FLYWCH1: variants seen among roughly 807,000 people sequenced by gnomAD.
FLYWCH1 encodes FLYWCH-type zinc finger 1, also known as FLYWCH-type zinc finger-containing protein 1.
In FLYWCH1, 75 loss-of-function variants were observed where a neutral mutation model predicts 66.4. The ratio of observed to expected loss-of-function variants is 1.13; its 90% confidence interval spans 0.94 to 1.37. The LOEUF is 1.37. Among genes scored for constraint, FLYWCH1 ranks in the 40% most tolerant of loss-of-function variants. FLYWCH1 has a pLI of 0.00. For synonymous variants in FLYWCH1, 595 were observed against 429.9 expected (o/e 1.38, Z -4.75); for missense variants, 1,334 against 1,001.8 (o/e 1.33, Z -4.48).
intron 9 of FLYWCH1, among the ~76,000 whole-genome samples, chr16:2,942,498 G>A (rs1337886532): frequency 6.6e-6 from 1 of 151,978 alleles, no homozygotes; most frequent in Non-Finnish European, 1.5e-5. Context: ...ACCAAGCAAA[G>A]GAATCACAAA....
chr16:2,930,373 C>A, intron 3 of FLYWCH1, 37 bp from the exon 4 acceptor site: 3 of 1,317,820 alleles, frequency 2.3e-6, no homozygotes, highest in Non-Finnish European at 3.1e-6. Context: ...CTGAGCTTTG[C>A]TCTAGCTTAG....
In FLYWCH1 at chr16:2,949,017, G is replaced by A. The variant is rs561333413; in HGVS notation, c.*290G>A. 70 of 455,138 alleles carry A rather than the reference G, an allele frequency of 1.5e-4. 1 individual carries two copies. Among genetic ancestry groups the A allele is most frequent in the South Asian group, 2.8e-4 (13 of 45,924 alleles). 28.2% of individuals were successfully genotyped at this position (455,138 alleles called of 1,614,324 possible). A position where few individuals can be genotyped will look rare whatever the true frequency, so the allele number is the denominator to read the frequency against. On this transcript the variant is annotated 3_prime_UTR_variant, in exon 10 of 10. Transcript: ENST00000253928. ...AGACATGACAAAGCTGCCTGGACACGGACGCCCCTGCTGTACGGCCACAGC... is the reference window on the plus strand; with the variant it reads ...AGACATGACAAAGCTGCCTGGACACAGACGCCCCTGCTGTACGGCCACAGC...
chr16:2,927,994 C>A (rs1397125272), intron 2 of FLYWCH1, among the ~76,000 whole-genome samples: 1 of 152,150 alleles, frequency 6.6e-6, no homozygotes, highest in East Asian at 1.9e-4. Context: ...AGCAGGGAAA[C>A]ATGTGAGCAA....
Position 2,950,601 on chromosome 16 carries a change from C to A in FLYWCH1, c.*1874C>A, listed in dbSNP as rs897664074. The A allele has an allele frequency of 1.3e-5, 2 of 152,400 alleles. No individual in the cohort carries two copies. The highest frequency in any genetic ancestry group is 2.9e-5 in the Non-Finnish European group (2 of 68,166). 9.4% of individuals were successfully genotyped at this position (152,400 alleles called of 1,614,324 possible). On this transcript the variant is annotated 3_prime_UTR_variant, in exon 10 of 10. Coordinates refer to ENST00000253928, the MANE Select transcript of FLYWCH1 (RefSeq NM_001308068.2). ...CCTTGCCTCTGTGATGGGGCCTCCACGGCCAGCATCTTCCCGCCATGGTCA... is the reference window on the plus strand; with the variant it reads ...CCTTGCCTCTGTGATGGGGCCTCCAAGGCCAGCATCTTCCCGCCATGGTCA...
rs933253587 is a variant in FLYWCH1 at position 2,938,474 on chromosome 16, G to A, written c.2050+18G>A. ...GGACCCAGGTACAGGCAGGCTGTGG[G>A]GCAGAGGCAGGGCTGTGGGCATCCT... On this transcript the variant is annotated intron_variant, in intron 8 of 9. Coordinates refer to ENST00000253928, the MANE Select transcript of FLYWCH1 (RefSeq NM_001308068.2). 1.3e-6 allele frequency: 2 copies of A among 1,510,334 alleles called. No homozygotes were observed. Among genetic ancestry groups the A allele is most frequent in the Non-Finnish European group, 8.8e-7 (1 of 1,132,186 alleles). 93.6% of individuals were successfully genotyped at this position (1,510,334 alleles called of 1,614,324 possible). A position where few individuals can be genotyped will look rare whatever the true frequency, so the allele number is the denominator to read the frequency against.
At chr16:2,948,626 T>C in intron 9 of FLYWCH1, 62 bp from the exon 10 acceptor site, 2 of 1,542,170 alleles carry the variant, frequency 1.3e-6, no homozygotes, top group Non-Finnish European at 9.0e-7. Context: ...CTGAACTTTC[T>C]GTGTTATCTA....
At chr16:2,934,644 C>T (rs564249454) in intron 6 of FLYWCH1, 163 of 456,904 alleles carry the variant, frequency 3.6e-4, no homozygotes, top group Non-Finnish European at 6.0e-4. Flanking sequence ...GTGGCTCTTC[C>T]GGATCCTGCA....
At chr16:2,940,492 G>A (rs1396465815) in intron 9 of FLYWCH1, among the ~76,000 whole-genome samples, 1 of 152,202 alleles carries the variant, frequency 6.6e-6, no homozygotes, top group Admixed American at 6.5e-5. Flanking sequence ...CTGGAGTACA[G>A]CGGCATGATC....
chr16:2,931,477 G>A (rs1222848974), intron 4 of FLYWCH1, among the ~76,000 whole-genome samples: 1 of 150,654 alleles, frequency 6.6e-6, no homozygotes, highest in Non-Finnish European at 1.5e-5. Flanking sequence ...TCAGCCAGCT[G>A]TTGTGGTGTG....
chr16:2,916,593 C>T (rs947227878), intron 2 of FLYWCH1, among the ~76,000 whole-genome samples: 2 of 150,074 alleles, frequency 1.3e-5, no homozygotes, highest in Admixed American at 1.3e-4. Flanking sequence ...GCCGAGATCG[C>T]ACCACTGCAC....
intron 2 of FLYWCH1, chr16:2,922,793 G>A: frequency 1.9e-6 from 1 of 522,430 alleles, no homozygotes; most frequent in African/African-American, 1.9e-5. Context: ...GTTCTTCACA[G>A]CCTGTTTGAG....
intron 8 of FLYWCH1, among the ~76,000 whole-genome samples, chr16:2,939,101 TCTCA>T (rs2071149565): frequency 1.3e-5 from 2 of 152,126 alleles, no homozygotes; most frequent in Admixed American, 6.6e-5. Flanking sequence ...GCATTGTGTG[TCTCA>T]CTGTCATTCA....
At chr16:2,937,026 G>T (rs1319548723) in intron 6 of FLYWCH1, 95 bp from the exon 7 acceptor site, 11 of 1,243,894 alleles carry the variant, frequency 8.8e-6, no homozygotes, top group Non-Finnish European at 6.3e-6. Flanking sequence ...GTGAGGAGGA[G>T]GTGTGGGCGT....
rs1247974100 is a variant in FLYWCH1 at position 2,930,565 on chromosome 16, A to T, written c.481A>T (p.Thr161Ser). The change falls in exon 4 of 10, where the codon ACC (threonine) becomes TCC (serine). Residue 161 changes from threonine to serine, a missense_variant. Physicochemically the swap from Thr to Ser is moderately conservative, Grantham distance 58 (BLOSUM62 1). Transcript: ENST00000253928. ...GCTGGGCTGCCGGGGCCGGGCCATC[A>T]CCCGAGGCCTGCGGGCCACAGTGAT... ...AELGCRGRAI[T>S]RGLRATVMRG... The T allele has an allele frequency of 3.2e-6, 5 of 1,552,494 alleles. No individual in the cohort carries two copies. Among genetic ancestry groups the T allele is most frequent in the Non-Finnish European group, 4.3e-6 (5 of 1,151,658 alleles).
intron 6 of FLYWCH1, chr16:2,935,368 C>G (rs1049316807): frequency 6.6e-6 from 1 of 152,308 alleles, no homozygotes; most frequent in Non-Finnish European, 1.5e-5. Context: ...CCAGGTCGAC[C>G]CCACCTGGAT....
At chr16:2,922,474 C>G (rs906626869) in intron 2 of FLYWCH1, 40 of 237,292 alleles carry the variant, frequency 1.7e-4, no homozygotes, top group African/African-American at 7.7e-4. Flanking sequence ...ACACTCCCTC[C>G]TCATCCTCCT....
rs1318365844 is a variant in FLYWCH1, at chr16:2,948,709, G to A, written c.2133G>A (p.Leu711=). 3 of 1,613,938 alleles carry A rather than the reference G, an allele frequency of 1.9e-6. No individual in the cohort carries two copies. In the Admixed American group the frequency reaches 5.0e-5, roughly 27 times the overall value. Residue 711 remains leucine (L), a synonymous_variant, in exon 10 of 10, where the codon CTG becomes CTA. Coordinates refer to ENST00000253928, the MANE Select transcript of FLYWCH1 (RefSeq NM_001308068.2). ...QIYGDIKDVR[L]DGESQ ...TTAGGGACATCAAAGACGTCAGACT[G>A]GATGGCGAGTCCCAGTGAGGCGATG...
intron 2 of FLYWCH1, among the ~76,000 whole-genome samples, chr16:2,924,680 A>T (rs1261896636): frequency 6.6e-6 from 1 of 152,192 alleles, no homozygotes; most frequent in Admixed American, 6.5e-5. Context: ...AGGCTAGTCA[A>T]GGTTCAGGCA....
At chr16:2,942,964 A>C (rs1430166035) in intron 9 of FLYWCH1, among the ~76,000 whole-genome samples, 1 of 151,714 alleles carries the variant, frequency 6.6e-6, no homozygotes, top group African/African-American at 2.4e-5. Flanking sequence ...GGACTCCTAA[A>C]GTGCTGGGAT....
Sources: gnomAD v4.1 joint callset for allele counts (sites outside exome capture counted in the v4.1 genomes callset) on GRCh38, gnomAD v4.1.1 for gene constraint, MANE v1.5 for transcripts, NCBI Gene and HGNC (gene_info 2026-07-23, HGNC 2026-07-21) for gene names.